The following NFAT5 variants were observed in gnomAD, a reference collection of about 807,000 sequenced individuals.
NFAT5 encodes the protein nuclear factor of activated T cells 5.
In NFAT5, 31 loss-of-function variants were observed where a neutral mutation model predicts 166.5. The observed-to-expected ratio is 0.19, with a 90% CI of 0.14 to 0.25. The LOEUF (loss-of-function observed/expected upper bound fraction) is 0.25, where lower values mean the gene tolerates loss of function less well. Ranked by LOEUF, NFAT5 falls within the 10% of genes least tolerant of loss-of-function variation. NFAT5 has a pLI of 1.00. For missense variants in NFAT5, 1,449 were observed against 1,821.8 expected (o/e 0.80, Z 3.72); for synonymous variants, 612 against 639.7 (o/e 0.96, Z 0.65).
At chr16:69,608,698 T>G (rs927504587) in intron 2 of NFAT5, among the ~76,000 whole-genome samples, 17 of 151,378 alleles carry the variant, frequency 1.1e-4, no homozygotes, top group Non-Finnish European at 2.5e-4. Flanking sequence ...CACTGCAAGC[T>G]CTGCCTCCTG....
intron 10 of NFAT5, among the ~76,000 whole-genome samples, chr16:69,683,289 A>AG (rs1484550403): frequency 2.6e-5 from 4 of 151,914 alleles, no homozygotes; most frequent in Non-Finnish European, 5.9e-5. Context: ...CCCAGCAGTT[A>AG]GGGTGTCTGA....
At chr16:69,648,401 CAT>C (rs1465292952) in intron 4 of NFAT5, 1 of 981,696 alleles carries the variant, frequency 1.0e-6, no homozygotes, top group African/African-American at 1.8e-5. Flanking sequence ...ATTCATGTAT[CAT>C]AAGCTTTTTT....
intron 2 of NFAT5, among the ~76,000 whole-genome samples, chr16:69,577,383 T>C (rs553903730): frequency 2.0e-5 from 3 of 152,266 alleles, no homozygotes; most frequent in African/African-American, 7.2e-5. Context: ...CTAAGTAACC[T>C]ATACTTGCAC....
intron 3 of NFAT5, among the ~76,000 whole-genome samples, chr16:69,633,978 T>C (rs1305742047): frequency 6.6e-6 from 1 of 151,970 alleles, no homozygotes; most frequent in Non-Finnish European, 1.5e-5. Flanking sequence ...AAAAATAAAA[T>C]TAAAAAAATC....
intron 3 of NFAT5, among the ~76,000 whole-genome samples, chr16:69,639,989 T>C (rs558202158): frequency 1.3e-5 from 2 of 152,344 alleles, no homozygotes; most frequent in African/African-American, 4.8e-5. Flanking sequence ...TAAACGTATG[T>C]TGGGTGGGAA....
intron 2 of NFAT5, among the ~76,000 whole-genome samples, chr16:69,580,781 G>A (rs1365925114): frequency 4.0e-5 from 6 of 151,864 alleles, no homozygotes; most frequent in African/African-American, 7.3e-5. Flanking sequence ...TCAGCCTCCC[G>A]AGTAGCTGGG....
Position 69,670,273 on chromosome 16 carries a change from G to A in NFAT5, c.1542G>A (p.Met514Ile). ...GGAAGTCAGAAGCTGAAATTGATAT[G>A]GAACTATTTCATCAGGTAAAATTTA... ...NSWKSEAEID[M>I]ELFHQNHLIV... Residue 514 changes from methionine (M) to isoleucine (I), a missense_variant, in exon 9 of 15, where the codon ATG becomes ATA. Coordinates refer to ENST00000349945, the MANE Select transcript of NFAT5 (RefSeq NM_138713.4). 1 of 1,580,186 alleles carries A rather than the reference G, an allele frequency of 6.3e-7. No homozygotes were observed.
At chr16:69,639,825 T>C (rs1202437321) in intron 3 of NFAT5, among the ~76,000 whole-genome samples, 1 of 152,254 alleles carries the variant, frequency 6.6e-6, no homozygotes, top group South Asian at 2.1e-4. Context: ...AAAGAGAGAA[T>C]TCTGGCTTAT....
chr16:69,644,551 T>C (rs774782516), intron 3 of NFAT5, among the ~76,000 whole-genome samples: 15 of 152,108 alleles, frequency 9.9e-5, no homozygotes, highest in Non-Finnish European at 2.2e-4. Context: ...ATATTTAAAT[T>C]TATGTAGGAT....
intron 7 of NFAT5, among the ~76,000 whole-genome samples, chr16:69,669,310 T>C (rs894769005): frequency 6.6e-6 from 1 of 152,176 alleles, no homozygotes; most frequent in Non-Finnish European, 1.5e-5. Context: ...TCCCAGCATT[T>C]TGGGAGGCCA....
At chr16:69,683,841 A>G (rs1411869553) in intron 10 of NFAT5, among the ~76,000 whole-genome samples, 1 of 151,870 alleles carries the variant, frequency 6.6e-6, no homozygotes, top group African/African-American at 2.4e-5. Context: ...GCTCACGCCT[A>G]TAATCCCAGC....
At chr16:69,603,774 T>C (rs971419773) in intron 2 of NFAT5, among the ~76,000 whole-genome samples, 2 of 152,140 alleles carry the variant, frequency 1.3e-5, no homozygotes, top group Non-Finnish European at 2.9e-5. Flanking sequence ...AACATATTTC[T>C]GTATTAAGGT....
chr16:69,587,823 A>G (rs532788001), intron 2 of NFAT5, among the ~76,000 whole-genome samples: 1 of 152,320 alleles, frequency 6.6e-6, no homozygotes, highest in African/African-American at 2.4e-5. Flanking sequence ...TATTAAAGTT[A>G]AATTAATCTT....
chr16:69,653,249 C>A lies in NFAT5; in HGVS notation c.826C>A (p.Gln276Lys). 1 of 1,570,904 alleles carries A rather than the reference C, an allele frequency of 6.4e-7. No homozygotes were observed. The highest frequency in any genetic ancestry group is 1.2e-5 in the South Asian group (1 of 82,724). ...SKAGNGTLEN[Q>K]KGTGVKKSPM... ...TTGATTTCTCAGAACATTGGAAAAC[C>A]AAAAAGGAACTGGAGTAAAGAAGAG... Residue 276 changes from glutamine (Q) to lysine (K), a missense_variant, in exon 5 of 15, where the codon CAA becomes AAA. Gln to Lys is a moderately conservative substitution (Grantham distance 53, BLOSUM62 1). Transcript: ENST00000349945.
At chr16:69,591,730 A>G (rs1045636579) in intron 2 of NFAT5, among the ~76,000 whole-genome samples, 1 of 152,166 alleles carries the variant, frequency 6.6e-6, no homozygotes, top group African/African-American at 2.4e-5. Flanking sequence ...AGAAATTGAA[A>G]GTTGGCTTGG....
chr16:69,570,582 TTAATA>T (rs1352028691), intron 2 of NFAT5, among the ~76,000 whole-genome samples: 1 of 151,972 alleles, frequency 6.6e-6, no homozygotes, highest in African/African-American at 2.4e-5. Flanking sequence ...AATTTAATTG[TTAATA>T]TAATTATTGT....
At chr16:69,677,625 A>G (rs2036882650) in intron 10 of NFAT5, among the ~76,000 whole-genome samples, 1 of 152,232 alleles carries the variant, frequency 6.6e-6, no homozygotes, top group Non-Finnish European at 1.5e-5. Context: ...AAGAATTTCC[A>G]TGCATTGACT....
At position 69,634,719 on chromosome 16, in the gene NFAT5, T is replaced by A. The variant is rs189632924; in HGVS notation, c.253+8191T>A. ...TACTTACAAACACACACACAACATGTACATAGTTTTATTTATTTGTTTATT... is the reference window on the plus strand; with the variant it reads ...TACTTACAAACACACACACAACATGAACATAGTTTTATTTATTTGTTTATT... On this transcript the variant is annotated intron_variant, in intron 3 of 14. Transcript: ENST00000349945. Among the ~76,000 whole-genome samples the A allele has an allele frequency of 1.9e-3, 283 of 152,314 alleles. 3 individuals are homozygous for A. Among genetic ancestry groups the A allele is most frequent in the African/African-American group, 6.4e-3 (266 of 41,568 alleles).
intron 2 of NFAT5, among the ~76,000 whole-genome samples, chr16:69,573,118 G>A (rs936369848): frequency 1.3e-5 from 2 of 152,236 alleles, no homozygotes; most frequent in African/African-American, 2.4e-5. Flanking sequence ...CTAGGATTAC[G>A]GGCATGTGCC....
Sources: gnomAD v4.1 joint callset for allele counts (sites outside exome capture counted in the v4.1 genomes callset) on GRCh38, gnomAD v4.1.1 for gene constraint, MANE v1.5 for transcripts, NCBI Gene and HGNC (gene_info 2026-07-23, HGNC 2026-07-21) for gene names.